Variants in EBF3 observed in about 807,000 individuals in gnomAD.
EBF3 encodes transcription factor COE3.
Under a neutral mutation model 77.1 loss-of-function variants are expected in EBF3, and 18 were observed. The ratio of observed to expected loss-of-function variants is 0.23; its 90% CI spans 0.16 to 0.35. EBF3 has a LOEUF of 0.35. EBF3 is among the 10% of genes least tolerant of loss of function. EBF3 has a pLI of 1.00. For missense variants in EBF3, 558 were observed against 860.0 expected (o/e 0.65, Z 4.39); for synonymous variants, 350 against 343.5 (o/e 1.02, Z -0.21).
chr10:129,880,300 CACCCACACATACACACACAT>C (rs1853101903), intron 6 of EBF3, among the ~76,000 whole-genome samples: 1 of 151,934 alleles, frequency 6.6e-6, no homozygotes, highest in African/African-American at 2.4e-5. Context: ...ACACACATGC[CACCCACACATACACACACAT>C]GCCCACACAT....
Position 129,963,425 on chromosome 10 carries a change from T to A in EBF3, c.233A>T (p.Gln78Leu). 6.3e-7 allele frequency: 1 copy of A among 1,592,690 alleles called. No individual in the cohort carries two copies. The change falls in exon 2 of 17, where the codon CAG (glutamine) becomes CTG (leucine). Residue 78 changes from glutamine to leucine, a missense_variant. This residue lies in a region of EBF3 where 84 missense variants were observed against 142.3 expected (regional missense o/e 0.59). Coordinates refer to ENST00000440978, the MANE Select transcript of EBF3 (RefSeq NM_001375380.1). This position sits in a 1 kb window ranked among gnomAD's most constrained non-coding sequence, Gnocchi z 7.1. Reference sequence around the variant, plus strand: ...CCTTTCAATCTCCACCGGCTGCCCCTGCCTATCGTAGAGCGCCAGCACGAA... The same window carrying A: ...CCTTTCAATCTCCACCGGCTGCCCCAGCCTATCGTAGAGCGCCAGCACGAA... The part of the protein sequence containing the change: ...FHFVLALYDR[Q>L]GQPVEIERTA...
intron 6 of EBF3, among the ~76,000 whole-genome samples, chr10:129,878,759 G>A (rs1030368780): frequency 2.8e-5 from 4 of 140,512 alleles, no homozygotes; most frequent in African/African-American, 7.9e-5. Context: ...AGGAGGTGGA[G>A]GTTGCAGTGA....
At chr10:129,953,859 A>C (rs1018987027) in intron 6 of EBF3, among the ~76,000 whole-genome samples, 7 of 152,254 alleles carry the variant, frequency 4.6e-5, no homozygotes, top group African/African-American at 1.7e-4. Flanking sequence ...GATGGGAGCC[A>C]GAGTGTGGTG....
intron 11 of EBF3, among the ~76,000 whole-genome samples, chr10:129,846,108 T>TTGTGTGTGTG (rs10530522): frequency 0.029 from 4,039 of 139,582 alleles, 71 homozygotes; most frequent in African/African-American, 0.039. Flanking sequence ...ATTCTGGGCT[T>TTGTGTGTGTG]TGTGTGTGTG....
chr10:129,918,172 C>T (rs190058239), intron 6 of EBF3, among the ~76,000 whole-genome samples: 5 of 152,282 alleles, frequency 3.3e-5, no homozygotes, highest in Non-Finnish European at 4.4e-5. Context: ...TTCCTGAGGC[C>T]GAGGGCTCCC....
At chr10:129,948,373 A>T (rs572115259) in intron 6 of EBF3, among the ~76,000 whole-genome samples, 1 of 151,982 alleles carries the variant, frequency 6.6e-6, no homozygotes, top group Admixed American at 6.5e-5. Context: ...ACACAGTAAA[A>T]GGATCCAGGG....
intron 7 of EBF3, 89 bp from the exon 8 acceptor site, chr10:129,873,685 C>T (rs1852564151): frequency 3.8e-6 from 5 of 1,319,292 alleles, no homozygotes; most frequent in Non-Finnish European, 4.9e-6. Context: ...TTAAATACTG[C>T]AGAGCACAAG....
At chr10:129,883,785 C>A (rs1050129013) in intron 6 of EBF3, among the ~76,000 whole-genome samples, 1 of 152,076 alleles carries the variant, frequency 6.6e-6, no homozygotes, top group Admixed American at 6.6e-5. Flanking sequence ...ACAGCTGCTT[C>A]GTGGGTACAG....
chr10:129,925,909 GC>G (rs1856639520), intron 6 of EBF3, among the ~76,000 whole-genome samples: 2 of 152,176 alleles, frequency 1.3e-5, no homozygotes, highest in South Asian at 4.1e-4. Flanking sequence ...TAGGAAAGCA[GC>G]CTGTGCCTCA....
chr10:129,868,037 C>T (rs1230601872), intron 8 of EBF3, 125 bp from the exon 9 acceptor site: 12 of 1,317,728 alleles, frequency 9.1e-6, no homozygotes, highest in South Asian at 7.1e-5. Flanking sequence ...CCAGGCGGCA[C>T]GCAAAGGGCA....
In EBF3 at chr10:129,837,797, C is replaced by T; in HGVS notation, c.*146G>A. 9.5e-7 allele frequency: 1 copy of T among 1,048,562 alleles called. No individual in the cohort carries two copies. Among genetic ancestry groups the T allele is most frequent in the Non-Finnish European group, 1.4e-6 (1 of 705,778 alleles). 65.0% of individuals were successfully genotyped at this position (1,048,562 alleles called of 1,614,324 possible). On this transcript the variant is annotated 3_prime_UTR_variant, in exon 17 of 17. Transcript: ENST00000440978. ...TTTAAATAAAATCTTTAAACAAAGT[C>T]TTTTGTAGCATTTCAATTGCTGCTG...
At chr10:129,906,405 T>C (rs1012106209) in intron 6 of EBF3, among the ~76,000 whole-genome samples, 4 of 152,250 alleles carry the variant, frequency 2.6e-5, no homozygotes, top group African/African-American at 9.6e-5. Flanking sequence ...ATTAAACTGC[T>C]GCAGATTCCT....
intron 15 of EBF3, 35 bp downstream of exon 15, chr10:129,840,210 C>T: frequency 6.5e-7 from 1 of 1,528,962 alleles, no homozygotes; most frequent in South Asian, 1.2e-5. Context: ...CTGGAGAGGA[C>T]CCAGCACTGG....
chr10:129,871,585 G>C (rs1167434740), intron 8 of EBF3, among the ~76,000 whole-genome samples: 3 of 152,178 alleles, frequency 2.0e-5, no homozygotes, highest in Non-Finnish European at 4.4e-5. Flanking sequence ...AATCTGTCCT[G>C]AGCAGGCAGA....
At chr10:129,958,723 TGCTGAGCA>T (rs1859231496) in intron 5 of EBF3, among the ~76,000 whole-genome samples, 1 of 152,192 alleles carries the variant, frequency 6.6e-6, no homozygotes, top group South Asian at 2.1e-4. Context: ...TAATCCGCTC[TGCTGAGCA>T]GCGGGTCGCG....
At chr10:129,954,055 T>C (rs1207112012) in intron 6 of EBF3, among the ~76,000 whole-genome samples, 1 of 152,192 alleles carries the variant, frequency 6.6e-6, no homozygotes, top group African/African-American at 2.4e-5. Context: ...CTCCCATCCT[T>C]TTCAGCAATA....
In EBF3 at chr10:129,861,400, G is replaced by A. The variant is rs982069984; in HGVS notation, c.1039+5741C>T. On this transcript the variant is annotated intron_variant, in intron 10 of 16. Coordinates refer to ENST00000440978, the MANE Select transcript of EBF3 (RefSeq NM_001375380.1). This position sits in a 1 kb window ranked among gnomAD's most constrained non-coding sequence, Gnocchi z 4.3. ...AACTAAAGTGGCGTCAGGAGAAGTT[G>A]TGTTGTTGGAGTCACGCATTATCTT... 2.6e-5 allele frequency among the ~76,000 whole-genome samples: 4 copies of A among 152,242 alleles called. No homozygotes were observed. The highest frequency in any genetic ancestry group is 7.2e-5 in the African/African-American group (3 of 41,474).
intron 8 of EBF3, among the ~76,000 whole-genome samples, chr10:129,869,561 T>C (rs1041790890): frequency 1.3e-5 from 2 of 152,190 alleles, no homozygotes; most frequent in African/African-American, 4.8e-5. Flanking sequence ...TCAGATCCGG[T>C]TGCACATCTT....
intron 11 of EBF3, among the ~76,000 whole-genome samples, chr10:129,847,272 C>T (rs1850539153): frequency 6.6e-6 from 1 of 152,166 alleles, no homozygotes; most frequent in African/African-American, 2.4e-5. Flanking sequence ...GACCCAGTCA[C>T]TAATCCTGCA....
Sources: allele counts gnomAD v4.1 joint callset (sites outside exome capture counted in the v4.1 genomes callset), GRCh38; gene constraint gnomAD v4.1.1; regional missense constraint gnomAD v4.1.1; non-coding constraint Gnocchi (gnomAD v3.1); transcripts MANE v1.5; gene names NCBI Gene and HGNC (gene_info 2026-07-23, HGNC 2026-07-21).